The following SUGCT variants were observed in gnomAD, a reference collection of about 807,000 sequenced individuals.
The protein encoded by SUGCT is succinyl-CoA:glutarate-CoA transferase.
In SUGCT, 41 loss-of-function variants were observed where a neutral mutation model predicts 55.0. That is an observed-to-expected ratio of 0.74 (90% CI 0.58 to 0.97). SUGCT has a LOEUF of 0.97. Among genes scored for constraint, SUGCT ranks in the 50% least tolerant of loss-of-function variants. SUGCT has a pLI of 0.00. For missense variants in SUGCT, 568 were observed against 547.8 expected (o/e 1.04, Z -0.37); for synonymous variants, 187 against 200.4 (o/e 0.93, Z 0.56).
the SUGCT span, among the ~76,000 whole-genome samples, chr7:40,931,626 C>T: frequency 0.33 from 50,411 of 151,934 alleles, 8,786 homozygotes; most frequent in African/African-American, 0.44. Context: ...TTCAGAGATT[C>T]AACTTCTTCC....
chr7:40,295,207 T>A (rs1438938716), intron 8 of SUGCT, among the ~76,000 whole-genome samples: 1 of 152,188 alleles, frequency 6.6e-6, no homozygotes, highest in Non-Finnish European at 1.5e-5. Context: ...AGTAAATTTT[T>A]TTTTTGCATT....
At chr7:40,883,187 A>G in the SUGCT span, among the ~76,000 whole-genome samples, 1 of 152,172 alleles carries the variant, frequency 6.6e-6, no homozygotes, top group Non-Finnish European at 1.5e-5. Flanking sequence ...TTAATTAGGT[A>G]TCTGTCCAGC....
the SUGCT span, among the ~76,000 whole-genome samples, chr7:40,951,010 A>G: frequency 1.4e-4 from 21 of 152,056 alleles, no homozygotes; most frequent in Non-Finnish European, 2.6e-4. Flanking sequence ...TTTCCTACTG[A>G]TTGGAATAGT....
rs189111240 is a variant in SUGCT, at chr7:40,258,353, A to G, written c.577-16160A>G. ...CAGATTCTCTAACTTCAGTTTTTCCATCTGTAAAATAGGGAAAATATGTTT... is the reference window on the plus strand; with the variant it reads ...CAGATTCTCTAACTTCAGTTTTTCCGTCTGTAAAATAGGGAAAATATGTTT... On this transcript the variant is annotated intron_variant, in intron 7 of 13. Transcript: ENST00000335693. 7.2e-5 allele frequency among the ~76,000 whole-genome samples: 11 copies of G among 152,248 alleles called. No homozygotes were observed. In the East Asian group the frequency reaches 2.1e-3, roughly 29 times the overall value.
chr7:40,950,238 T>C, the SUGCT span, among the ~76,000 whole-genome samples: 8 of 152,144 alleles, frequency 5.3e-5, no homozygotes, highest in Non-Finnish European at 1.2e-4. Flanking sequence ...GGATTTCACT[T>C]ATGATTTGGC....
rs565934470 is a variant in SUGCT at position 40,389,343 on chromosome 7, T to C, written c.817-59944T>C. Among the ~76,000 whole-genome samples, 32 of 152,110 alleles carry C rather than the reference T, an allele frequency of 2.1e-4. No individual in the cohort carries two copies. In the South Asian group the frequency reaches 5.6e-3, roughly 27 times the overall value. On this transcript the variant is annotated intron_variant, in intron 9 of 13. Transcript: ENST00000335693. The stretch of plus-strand genomic sequence containing the variant: ...AGACATGTGTTGTAGTCCCAGCTAC[T>C]TGGGAGGCTGAGGTGGGAGAATCAA...
chr7:40,318,886 A>G (rs10231582), intron 9 of SUGCT, among the ~76,000 whole-genome samples: 87,353 of 152,138 alleles, frequency 0.57, 26,133 homozygotes, highest in Non-Finnish European at 0.67. Context: ...AAAATGGAAC[A>G]TCATTTTAAA....
intron 12 of SUGCT, among the ~76,000 whole-genome samples, chr7:40,680,629 G>A (rs1363717637): frequency 6.6e-6 from 1 of 152,074 alleles, no homozygotes; most frequent in Admixed American, 6.6e-5. Flanking sequence ...AAGTTTTACA[G>A]GAGGAAAAAA....
intron 7 of SUGCT, among the ~76,000 whole-genome samples, chr7:40,252,675 T>C (rs1790506781): frequency 6.6e-6 from 1 of 152,062 alleles, no homozygotes; most frequent in South Asian, 2.1e-4. Flanking sequence ...TGAAATAGGG[T>C]CTTGCTGTGT....
chr7:40,316,596 T>A (rs909419919), intron 8 of SUGCT, among the ~76,000 whole-genome samples, 164 bp from the exon 9 acceptor site: 1 of 152,244 alleles, frequency 6.6e-6, no homozygotes, highest in Non-Finnish European at 1.5e-5. Flanking sequence ...CGTTCTTCAT[T>A]TGTGTGATAA....
At chr7:40,854,400 TTTCTTTCTTTCTTTCTTTC>T (rs1563050466) in intron 13 of SUGCT, among the ~76,000 whole-genome samples, 5 of 93,080 alleles carry the variant, frequency 5.4e-5, no homozygotes, top group African/African-American at 2.8e-4. Flanking sequence ...AATTTTTTTC[TTTCTTTCTTTCTTTCTTTC>T]CTTTCTTTCT....
intron 12 of SUGCT, among the ~76,000 whole-genome samples, chr7:40,497,611 A>G (rs1381356903): frequency 6.6e-6 from 1 of 152,182 alleles, no homozygotes. Flanking sequence ...AGGAGGTAGC[A>G]TTGTGCATAC....
chr7:40,261,794 G>C (rs1791239431), intron 7 of SUGCT, among the ~76,000 whole-genome samples: 1 of 152,202 alleles, frequency 6.6e-6, no homozygotes, highest in Non-Finnish European at 1.5e-5. Context: ...TTTTGTTTCA[G>C]AAGTTGGAGC....
chr7:40,744,845 CCCTGA>C (rs1406844341), intron 12 of SUGCT, among the ~76,000 whole-genome samples: 2 of 152,204 alleles, frequency 1.3e-5, no homozygotes, highest in African/African-American at 4.8e-5. Context: ...TTACTAACCT[CCCTGA>C]CCTAAGTCAT....
At chr7:40,502,411 A>G (rs1792334785) in intron 12 of SUGCT, among the ~76,000 whole-genome samples, 1 of 152,078 alleles carries the variant, frequency 6.6e-6, no homozygotes, top group Non-Finnish European at 1.5e-5. Context: ...AGTTTAGCAC[A>G]GTGCTTTACA....
At position 40,514,444 on chromosome 7, in the gene SUGCT, C is replaced by A. The variant is rs1368309316; in HGVS notation, c.1089+18058C>A. 3.3e-5 allele frequency among the ~76,000 whole-genome samples: 5 copies of A among 152,036 alleles called. No individual in the cohort carries two copies. In the South Asian group the frequency reaches 1.0e-3, roughly 31 times the overall value. On this transcript the variant is annotated intron_variant, in intron 12 of 13. Transcript: ENST00000335693. ...CAAGCTAAGGCCAGGCGTGGGGGCT[C>A]ATGCCTGTAATCCCAGCACTTTGAG...
intron 9 of SUGCT, among the ~76,000 whole-genome samples, chr7:40,357,463 C>T (rs542782526): frequency 2.0e-5 from 3 of 152,090 alleles, no homozygotes; most frequent in Non-Finnish European, 4.4e-5. Context: ...GTGACACTGT[C>T]GATTTTGTTG....
intron 7 of SUGCT, among the ~76,000 whole-genome samples, chr7:40,264,968 T>G (rs1791462155): frequency 6.6e-6 from 1 of 152,210 alleles, no homozygotes; most frequent in East Asian, 1.9e-4. Flanking sequence ...TCTTACTTAA[T>G]TCTCATACCA....
chr7:40,381,034 A>G (rs1784842068), intron 9 of SUGCT, among the ~76,000 whole-genome samples: 1 of 152,144 alleles, frequency 6.6e-6, no homozygotes, highest in East Asian at 1.9e-4. Flanking sequence ...TAATACCATC[A>G]TTTGTCATAT....
Sources: allele counts gnomAD v4.1 joint callset (sites outside exome capture counted in the v4.1 genomes callset), GRCh38; gene constraint gnomAD v4.1.1; transcripts MANE v1.5; gene names NCBI Gene and HGNC (gene_info 2026-07-23, HGNC 2026-07-21).